SOX5: variants seen among roughly 807,000 people sequenced by gnomAD.
SOX5 encodes transcription factor SOX-5.
A neutral mutation model predicts 92.0 loss-of-function variants in SOX5; 9 were observed. The ratio of observed to expected loss-of-function variants is 0.10; its 90% CI spans 0.06 to 0.17. The LOEUF (loss-of-function observed/expected upper bound fraction) is 0.17. Ranked by LOEUF, SOX5 falls within the 10% of genes least tolerant of loss-of-function variation. The pLI, the probability that SOX5 is intolerant of heterozygous loss-of-function variation, is 1.00. For missense variants in SOX5, 642 were observed against 944.5 expected, an observed-to-expected ratio of 0.68 and a Z score of 4.20; for synonymous variants, 344 against 336.3, an observed-to-expected ratio of 1.02 and a Z score of -0.25.
chr12:24,004,730 T>A (rs750547808), intron 4 of SOX5, among the ~76,000 whole-genome samples: 27 of 152,142 alleles, frequency 1.8e-4, no homozygotes, highest in Admixed American at 3.9e-4. Flanking sequence ...CAGTTAAAAA[T>A]AAATTTACCA....
chr12:24,314,960 A>C (rs984338549), intron 2 of SOX5, among the ~76,000 whole-genome samples: 8 of 152,244 alleles, frequency 5.3e-5, no homozygotes, highest in African/African-American at 1.9e-4. Flanking sequence ...ATGCATCTGC[A>C]ATGTTAAGCA....
intron 4 of SOX5, among the ~76,000 whole-genome samples, chr12:24,041,786 T>C (rs772795201): frequency 9.9e-5 from 15 of 152,130 alleles, no homozygotes; most frequent in Admixed American, 1.3e-4. Flanking sequence ...AGATAACATT[T>C]TTTGTCCCTG....
chr12:24,260,481 C>CA (rs1181180006), intron 3 of SOX5, among the ~76,000 whole-genome samples: 1 of 152,150 alleles, frequency 6.6e-6, no homozygotes, highest in Non-Finnish European at 1.5e-5. Context: ...ATTATTATTA[C>CA]AATATACCTA....
At chr12:23,983,651 T>G (rs757541971) in intron 4 of SOX5, among the ~76,000 whole-genome samples, 3 of 152,200 alleles carry the variant, frequency 2.0e-5, no homozygotes, top group African/African-American at 4.8e-5. Flanking sequence ...CAAACCTTAT[T>G]CATTCAGAAT....
chr12:23,633,285 C>T (rs2078790209), intron 8 of SOX5, among the ~76,000 whole-genome samples: 1 of 151,996 alleles, frequency 6.6e-6, no homozygotes, highest in South Asian at 2.1e-4. Flanking sequence ...ATTCATGATG[C>T]CCATTAAGTA....
chr12:24,113,739 T>C (rs1310604232), intron 4 of SOX5, among the ~76,000 whole-genome samples: 2 of 152,270 alleles, frequency 1.3e-5, no homozygotes, highest in East Asian at 1.9e-4. Flanking sequence ...TCTAGAAAAC[T>C]GCAACCTGCA....
chr12:24,505,479 A>G (rs1948628769), intron 1 of SOX5, among the ~76,000 whole-genome samples: 2 of 152,224 alleles, frequency 1.3e-5, no homozygotes, highest in African/African-American at 4.8e-5. Context: ...TGCTTTTCAT[A>G]CGGAACTTCT....
intron 3 of SOX5, among the ~76,000 whole-genome samples, chr12:24,256,165 C>A (rs1941124080): frequency 6.6e-6 from 1 of 152,128 alleles, no homozygotes; most frequent in Non-Finnish European, 1.5e-5. Context: ...AGATGTGTGG[C>A]AGATAAATGT....
intron 9 of SOX5, among the ~76,000 whole-genome samples, chr12:23,597,330 G>A (rs1415273780): frequency 6.6e-6 from 1 of 151,982 alleles, no homozygotes; most frequent in Non-Finnish European, 1.5e-5. Context: ...TTGTTTTTAT[G>A]GTAAAAATGT....
At chr12:24,416,120 G>GAACA (rs1964970831) in intron 1 of SOX5, among the ~76,000 whole-genome samples, 1 of 152,224 alleles carries the variant, frequency 6.6e-6, no homozygotes, top group African/African-American at 2.4e-5. Context: ...AGAACCTGAA[G>GAACA]AACAGGCCCT....
chr12:23,675,473 G>A (rs1344150420), intron 6 of SOX5, among the ~76,000 whole-genome samples: 1 of 152,080 alleles, frequency 6.6e-6, no homozygotes, highest in Non-Finnish European at 1.5e-5. Context: ...TCAATAAATG[G>A]TGCTGGGAAA....
At chr12:23,931,548 G>A (rs757220092) in intron 1 of SOX5, among the ~76,000 whole-genome samples, 4 of 151,720 alleles carry the variant, frequency 2.6e-5, no homozygotes, top group Non-Finnish European at 3.0e-5. Context: ...CTTTGGTAAC[G>A]AAAATGTCAC....
At chr12:24,519,877 C>T (rs185270036) in intron 1 of SOX5, among the ~76,000 whole-genome samples, 2 of 152,068 alleles carry the variant, frequency 1.3e-5, no homozygotes, top group Admixed American at 6.5e-5. Context: ...GACTGAGGCA[C>T]ATTACAATCA....
intron 2 of SOX5, among the ~76,000 whole-genome samples, chr12:24,339,140 T>TTC (rs56093303): frequency 0.26 from 33,329 of 125,868 alleles, 4,507 homozygotes; most frequent in Non-Finnish European, 0.36. Flanking sequence ...CTGTCTCTGT[T>TTC]TCTCTCTCTC....
At chr12:24,020,206 G>A (rs1255697730) in intron 4 of SOX5, among the ~76,000 whole-genome samples, 1 of 152,126 alleles carries the variant, frequency 6.6e-6, no homozygotes, top group African/African-American at 2.4e-5. Flanking sequence ...AAAGTTCTTT[G>A]ACTTGGGCCC....
At chr12:24,033,220 G>T (rs774846761) in intron 4 of SOX5, among the ~76,000 whole-genome samples, 12 of 151,744 alleles carry the variant, frequency 7.9e-5, no homozygotes, top group Admixed American at 2.6e-4. Context: ...TGCAGAAAGA[G>T]GAATGAAAAT....
At chr12:23,661,874 T>C (rs1386156832) in intron 7 of SOX5, among the ~76,000 whole-genome samples, 3 of 152,174 alleles carry the variant, frequency 2.0e-5, no homozygotes, top group Non-Finnish European at 4.4e-5. Flanking sequence ...GCAATAATTA[T>C]TTTCTGATCA....
rs576066346 is a variant in SOX5, at chr12:24,455,844, G to C, written c.-250-87205C>G. On this transcript the variant is annotated intron_variant, in intron 1 of 4. Transcript: ENST00000446891. The stretch of plus-strand genomic sequence containing the variant: ...ATCACTCCCAAGCGATTCTTCCCCA[G>C]AACTGCCCACAGTAGAATGACTGTC... 3.9e-5 allele frequency among the ~76,000 whole-genome samples: 6 copies of C among 152,204 alleles called. No individual in the cohort carries two copies. In the South Asian group the frequency reaches 1.2e-3, roughly 32 times the overall value.
chr12:23,802,187 C>T (rs1461157203), intron 3 of SOX5, among the ~76,000 whole-genome samples: 1 of 152,052 alleles, frequency 6.6e-6, no homozygotes, highest in Non-Finnish European at 1.5e-5. Flanking sequence ...CATTCTCCTG[C>T]CTCAGCCTCC....
Sources: gnomAD v4.1 joint callset for allele counts (sites outside exome capture counted in the v4.1 genomes callset) on GRCh38, gnomAD v4.1.1 for gene constraint, MANE v1.5 for transcripts, NCBI Gene and HGNC (gene_info 2026-07-23, HGNC 2026-07-21) for gene names.